Variants in TNR observed in about 807,000 individuals in gnomAD.
TNR encodes tenascin R, also known as tenascin-R.
TNR carries 45 observed loss-of-function variants against 150.4 expected under a neutral mutation model. That is an observed-to-expected ratio of 0.30 (90% confidence interval 0.24 to 0.38). The LOEUF (loss-of-function observed/expected upper bound fraction) is 0.38, where lower values mean the gene tolerates loss of function less well. Among genes scored for constraint, TNR ranks in the 10% least tolerant of loss-of-function variants. TNR has a pLI of 1.00. For synonymous variants in TNR, 687 were observed against 678.4 expected (o/e 1.01, Z -0.20); for missense variants, 1,544 against 1,759.1 (o/e 0.88, Z 2.19).
chr1:175,623,866 G>T (rs550517933), intron 1 of TNR, among the ~76,000 whole-genome samples: 1 of 152,226 alleles, frequency 6.6e-6, no homozygotes, highest in Admixed American at 6.5e-5. Flanking sequence ...GCCCACACTG[G>T]TTACAGGTGA....
At chr1:175,661,589 G>A (rs1044093463) in intron 1 of TNR, among the ~76,000 whole-genome samples, 1 of 152,080 alleles carries the variant, frequency 6.6e-6, no homozygotes, top group Non-Finnish European at 1.5e-5. Flanking sequence ...TGACAGCAGG[G>A]TGGGAGTAAA....
At chr1:175,508,898 G>A (rs560277209) in intron 2 of TNR, among the ~76,000 whole-genome samples, 1 of 152,142 alleles carries the variant, frequency 6.6e-6, no homozygotes. Flanking sequence ...CGACTTTCTT[G>A]TACTTCTCCC....
intron 18 of TNR, among the ~76,000 whole-genome samples, chr1:175,338,962 G>T (rs969816944): frequency 6.6e-6 from 1 of 152,236 alleles, no homozygotes; most frequent in Non-Finnish European, 1.5e-5. Flanking sequence ...CTGGCCTAAC[G>T]TAGTTTAGAA....
At chr1:175,415,150 T>C (rs1420155300) in intron 2 of TNR, among the ~76,000 whole-genome samples, 2 of 151,160 alleles carry the variant, frequency 1.3e-5, no homozygotes, top group African/African-American at 4.9e-5. Context: ...TTGTGCTTTT[T>C]TTTTTTTTTT....
At chr1:175,669,892 C>G (rs1316225210) in intron 1 of TNR, among the ~76,000 whole-genome samples, 1 of 152,232 alleles carries the variant, frequency 6.6e-6, no homozygotes, top group Non-Finnish European at 1.5e-5. Context: ...AACAGGGACT[C>G]TCTCTGCACC....
chr1:175,501,511 C>T (rs1658736173), intron 2 of TNR, among the ~76,000 whole-genome samples: 1 of 152,194 alleles, frequency 6.6e-6, no homozygotes, highest in South Asian at 2.1e-4. Context: ...CTTGTGAGGC[C>T]TGGGCAGAGG....
At chr1:175,682,090 T>C (rs1666052732) in intron 1 of TNR, among the ~76,000 whole-genome samples, 1 of 152,178 alleles carries the variant, frequency 6.6e-6, no homozygotes, top group African/African-American at 2.4e-5. Context: ...ATGGTTTTAA[T>C]CCTGAGAAAA....
intron 2 of TNR, among the ~76,000 whole-genome samples, chr1:175,462,346 A>C (rs541130136): frequency 1.3e-5 from 2 of 152,354 alleles, no homozygotes; most frequent in South Asian, 4.1e-4. Context: ...GGCTGACATG[A>C]GTCAAAGATC....
intron 1 of TNR, among the ~76,000 whole-genome samples, chr1:175,677,915 G>A (rs1051127085): frequency 6.6e-6 from 1 of 152,112 alleles, no homozygotes; most frequent in Non-Finnish European, 1.5e-5. Context: ...ATGACAGAGA[G>A]AGGAAAGAGA....
Position 175,406,580 on chromosome 1 carries a change from CACTG to C in TNR, c.131_134del (p.Ser44TrpfsTer39). On this transcript the variant is annotated frameshift_variant, in exon 3 of 23. Coordinates refer to ENST00000367674, the MANE Select transcript of TNR (RefSeq NM_003285.3). LOFTEE classifies it high-confidence loss of function. Reference sequence around the variant, plus strand: ...AGTTGGCAATGCCTCCCTCCTCCTCCACTGACTGTCTCTGGACCCTTTCTGTGGT... The same window carrying C: ...AGTTGGCAATGCCTCCCTCCTCCTCCACTGTCTCTGGACCCTTTCTGTGGT... 6.2e-7 allele frequency: 1 copy of C among 1,614,226 alleles called. No homozygotes were observed. The highest frequency in any genetic ancestry group is 8.5e-7 in the Non-Finnish European group (1 of 1,180,044).
intron 1 of TNR, among the ~76,000 whole-genome samples, chr1:175,607,231 C>T (rs996578546): frequency 6.6e-6 from 1 of 152,162 alleles, no homozygotes; most frequent in African/African-American, 2.4e-5. Context: ...CGTCTTGAGA[C>T]TAGAGGTCAC....
intron 1 of TNR, among the ~76,000 whole-genome samples, chr1:175,609,056 G>A (rs978164041): frequency 3.9e-5 from 6 of 152,208 alleles, no homozygotes; most frequent in Admixed American, 3.9e-4. Context: ...GAGAAGTGTG[G>A]TAGTGGTTCT....
At chr1:175,431,618 G>A (rs1655263385) in intron 2 of TNR, among the ~76,000 whole-genome samples, 1 of 150,950 alleles carries the variant, frequency 6.6e-6, no homozygotes, top group African/African-American at 2.4e-5. Flanking sequence ...GGCCAGGAAA[G>A]CTTCCACTGA....
At chr1:175,732,855 T>C (rs542761433) in intron 1 of TNR, among the ~76,000 whole-genome samples, 3 of 152,266 alleles carry the variant, frequency 2.0e-5, no homozygotes, top group Non-Finnish European at 4.4e-5. Context: ...TTAGTTTCTA[T>C]ACATGAAGTA....
At chr1:175,589,210 T>C (rs1385944774) in intron 1 of TNR, among the ~76,000 whole-genome samples, 2 of 152,206 alleles carry the variant, frequency 1.3e-5, no homozygotes, top group Non-Finnish European at 1.5e-5. Context: ...CCCCATCATA[T>C]GGTGCTGCAA....
chr1:175,327,268 C>G (rs1466334418), intron 21 of TNR, among the ~76,000 whole-genome samples: 1 of 152,150 alleles, frequency 6.6e-6, no homozygotes, highest in African/African-American at 2.4e-5. Flanking sequence ...CCTGGCTCCC[C>G]TTCCCATTTC....
chr1:175,487,225 C>T (rs60366903), intron 2 of TNR, among the ~76,000 whole-genome samples: 4,752 of 152,196 alleles, frequency 0.031, 196 homozygotes, highest in African/African-American at 0.094. Flanking sequence ...CTACAGCCCT[C>T]GAATGTGCAG....
At chr1:175,638,511 C>A (rs1664553985) in intron 1 of TNR, among the ~76,000 whole-genome samples, 1 of 152,204 alleles carries the variant, frequency 6.6e-6, no homozygotes, top group African/African-American at 2.4e-5. Flanking sequence ...GCACAAATGA[C>A]CATCCAGCAA....
At chr1:175,663,414 C>T (rs1665438411) in intron 1 of TNR, among the ~76,000 whole-genome samples, 2 of 152,178 alleles carry the variant, frequency 1.3e-5, no homozygotes, top group South Asian at 4.1e-4. Context: ...CAGAGGACTG[C>T]CCTGGATGGC....
Sources: allele counts gnomAD v4.1 joint callset (sites outside exome capture counted in the v4.1 genomes callset), GRCh38; gene constraint gnomAD v4.1.1; transcripts MANE v1.5; gene names NCBI Gene and HGNC (gene_info 2026-07-23, HGNC 2026-07-21).